Variants in ASAP2 observed in about 807,000 individuals in gnomAD.
ASAP2 encodes arf-GAP with SH3 domain, ANK repeat and PH domain-containing protein 2.
In ASAP2, 45 loss-of-function variants were observed where a neutral mutation model predicts 131.4. The observed-to-expected ratio is 0.34, with a 90% CI of 0.27 to 0.44. The LOEUF (loss-of-function observed/expected upper bound fraction) is 0.44. ASAP2 is among the 20% of genes least tolerant of loss of function. The pLI is 1.00. For synonymous variants in ASAP2, 510 were observed against 503.0 expected (o/e 1.01, Z -0.19); for missense variants, 1,011 against 1,297.0 (o/e 0.78, Z 3.39).
chr2:9,320,446 G>T, intron 5 of ASAP2, 109 bp downstream of exon 5: 1 of 811,340 alleles, frequency 1.2e-6, no homozygotes, highest in Non-Finnish European at 2.0e-6. Context: ...ATCCAGAAAA[G>T]AATGTTTATC....
intron 15 of ASAP2, among the ~76,000 whole-genome samples, chr2:9,362,728 G>A (rs1369982879): frequency 6.6e-6 from 1 of 152,140 alleles, no homozygotes; most frequent in Non-Finnish European, 1.5e-5. Flanking sequence ...TGTGGTCCCA[G>A]CTACTTGGGA....
chr2:9,247,363 C>G (rs1168720824), intron 1 of ASAP2, among the ~76,000 whole-genome samples: 1 of 152,182 alleles, frequency 6.6e-6, no homozygotes, highest in Non-Finnish European at 1.5e-5. Context: ...TAGGGAGTCC[C>G]AGACGGTCCC....
At chr2:9,292,198 C>T (rs1024121477) in intron 2 of ASAP2, among the ~76,000 whole-genome samples, 1 of 152,060 alleles carries the variant, frequency 6.6e-6, no homozygotes, top group East Asian at 1.9e-4. Flanking sequence ...CTGTGCTGCC[C>T]TGTGGCGATT....
intron 15 of ASAP2, among the ~76,000 whole-genome samples, chr2:9,364,651 C>T (rs533701478): frequency 1.3e-5 from 2 of 152,340 alleles, no homozygotes; most frequent in African/African-American, 4.8e-5. Flanking sequence ...GGTCAACACA[C>T]AGTCTGATCT....
intron 1 of ASAP2, chr2:9,271,451 C>T: frequency 2.1e-6 from 3 of 1,404,274 alleles, no homozygotes; most frequent in Non-Finnish European, 3.0e-6. Flanking sequence ...AACGCCTTCA[C>T]TGGTTTCTTT....
At chr2:9,279,287 G>A (rs780877420) in intron 1 of ASAP2, 30 bp from the exon 2 acceptor site, 19 of 1,607,622 alleles carry the variant, frequency 1.2e-5, no homozygotes, top group Non-Finnish European at 1.5e-5. Context: ...GCACAGACAC[G>A]GTTTAATGAC....
chr2:9,350,953 G>A, intron 12 of ASAP2, 58 bp downstream of exon 12: 2 of 1,322,302 alleles, frequency 1.5e-6, no homozygotes, highest in South Asian at 3.1e-5. Context: ...TCTCCTCTGG[G>A]GCGTCCTTCA....
At chr2:9,340,988 A>G (rs1671537747) in intron 9 of ASAP2, among the ~76,000 whole-genome samples, 1 of 152,160 alleles carries the variant, frequency 6.6e-6, no homozygotes, top group Admixed American at 6.5e-5. Flanking sequence ...TCAGGCACAC[A>G]AACAGTCCCT....
intron 1 of ASAP2, among the ~76,000 whole-genome samples, chr2:9,228,837 T>C (rs907741040): frequency 2.6e-5 from 4 of 152,232 alleles, no homozygotes; most frequent in Non-Finnish European, 5.9e-5. Flanking sequence ...AATAATGCTA[T>C]ATAACTGAAA....
intron 1 of ASAP2, among the ~76,000 whole-genome samples, chr2:9,264,493 G>A (rs1665806646): frequency 6.6e-6 from 1 of 152,218 alleles, no homozygotes. Context: ...GGGTGTTGGA[G>A]ACAGTGATTC....
At position 9,207,250 on chromosome 2, in the gene ASAP2, G is replaced by C; in HGVS notation, c.126+20G>C. The C allele has an allele frequency of 6.5e-7, 1 of 1,537,610 alleles. No homozygotes were observed. Among genetic ancestry groups the C allele is most frequent in the South Asian group, 1.2e-5 (1 of 83,928 alleles). On this transcript the variant is annotated intron_variant, in intron 1 of 27. Transcript: ENST00000281419. This position sits in a 1 kb window ranked among gnomAD's most constrained non-coding sequence, Gnocchi z 4.1. ...GAGGAGGTGAGGCGGCCTGCGCGGC[G>C]GCTCCGGCCGCAGGTATCCCGCGCC...
intron 9 of ASAP2, 106 bp downstream of exon 9, chr2:9,335,285 G>A (rs1166387746): frequency 1.0e-5 from 10 of 959,284 alleles, no homozygotes; most frequent in Admixed American, 5.9e-5. Context: ...CAGTTCACTC[G>A]GGCTGTGTCA....
Position 9,207,367 on chromosome 2 carries a change from G to A in ASAP2, c.126+137G>A. 1 of 1,256,598 alleles carries A rather than the reference G, an allele frequency of 8.0e-7. No individual in the cohort carries two copies. The highest frequency in any genetic ancestry group is 1.0e-6 in the Non-Finnish European group (1 of 955,516). The allele number at this position is 1,256,598 out of a possible 1,614,324, so 77.8% of individuals were successfully genotyped here. On this transcript the variant is annotated intron_variant, in intron 1 of 27. Transcript: ENST00000281419. This position sits in a 1 kb window ranked among gnomAD's most constrained non-coding sequence, Gnocchi z 4.1. ...GGCCGGGCCAACCCTGCCCGAGACA[G>A]AAGCCCTTTGTTCCCGCCTAGGTGG... is the stretch of plus-strand genomic sequence containing the variant.
chr2:9,282,358 G>C (rs1186235416), intron 2 of ASAP2, among the ~76,000 whole-genome samples: 3 of 152,220 alleles, frequency 2.0e-5, no homozygotes, highest in African/African-American at 7.2e-5. Flanking sequence ...CTGCAAAGAA[G>C]TCACCTGAGG....
intron 18 of ASAP2, among the ~76,000 whole-genome samples, chr2:9,377,251 T>C (rs1444062164): frequency 2.6e-5 from 4 of 152,142 alleles, no homozygotes; most frequent in South Asian, 2.1e-4. Flanking sequence ...CAAGTAGATA[T>C]GGCTACTGAA....
At chr2:9,401,523 T>C in intron 27 of ASAP2, 127 bp downstream of exon 27, 1 of 1,266,354 alleles carries the variant, frequency 7.9e-7, no homozygotes. Context: ...TCCTGGTGCC[T>C]CCGCCCCTTA....
chr2:9,393,789 G>T (rs1009929584), intron 24 of ASAP2, 142 bp downstream of exon 24: 1 of 884,982 alleles, frequency 1.1e-6, no homozygotes, highest in Non-Finnish European at 1.6e-6. Context: ...GGGCTGAAGG[G>T]TCTTAAAAAT....
At chr2:9,352,909 C>T (rs1228747729) in intron 12 of ASAP2, among the ~76,000 whole-genome samples, 1 of 152,204 alleles carries the variant, frequency 6.6e-6, no homozygotes, top group African/African-American at 2.4e-5. Context: ...CATCCCTCCT[C>T]CTTCCCTGCT....
chr2:9,279,449 G>T, intron 2 of ASAP2, 60 bp downstream of exon 2: 1 of 1,506,180 alleles, frequency 6.6e-7, no homozygotes, highest in Non-Finnish European at 9.2e-7. Context: ...TGAAGTCCTG[G>T]TACCGTAATA....
Sources: allele counts gnomAD v4.1 joint callset (sites outside exome capture counted in the v4.1 genomes callset), GRCh38; gene constraint gnomAD v4.1.1; non-coding constraint Gnocchi (gnomAD v3.1); transcripts MANE v1.5; gene names NCBI Gene and HGNC (gene_info 2026-07-23, HGNC 2026-07-21).